The following ACAP2 variants were observed in gnomAD, a reference collection of about 807,000 sequenced individuals.
The protein encoded by ACAP2 is ArfGAP with coiled-coil, ankyrin repeat and PH domains 2.
Under a neutral mutation model 115.8 loss-of-function variants are expected in ACAP2, and 39 were observed. That is an observed-to-expected ratio of 0.34 (90% CI 0.26 to 0.44). The LOEUF (loss-of-function observed/expected upper bound fraction) is 0.44, where lower values mean the gene tolerates loss of function less well. Ranked by LOEUF, ACAP2 falls within the 20% of genes least tolerant of loss-of-function variation. The pLI is 1.00. For missense variants in ACAP2, 662 were observed against 927.6 expected, an observed-to-expected ratio of 0.71 and a Z score of 3.72; for synonymous variants, 289 against 315.8, an observed-to-expected ratio of 0.92 and a Z score of 0.90.
chr3:195,359,608 C>T (rs10439948), intron 4 of ACAP2, among the ~76,000 whole-genome samples: 42,514 of 151,982 alleles, frequency 0.28, 6,755 homozygotes, highest in East Asian at 0.71. Context: ...GCTGGGACTA[C>T]AGGCGCCCGC....
chr3:195,403,860 T>C (rs960842409), intron 1 of ACAP2, among the ~76,000 whole-genome samples: 1 of 151,976 alleles, frequency 6.6e-6, no homozygotes, highest in African/African-American at 2.4e-5. Context: ...AGGAGAGAAG[T>C]CTGAGTTGGA....
chr3:195,390,749 A>C (rs779532981), intron 2 of ACAP2, among the ~76,000 whole-genome samples: 2 of 152,216 alleles, frequency 1.3e-5, no homozygotes, highest in African/African-American at 4.8e-5. Context: ...ACTACGTTAC[A>C]CAGCAATGCC....
chr3:195,345,450 A>G, intron 4 of ACAP2, 133 bp from the exon 5 acceptor site: 2 of 588,562 alleles, frequency 3.4e-6, no homozygotes, highest in Non-Finnish European at 6.0e-6. Flanking sequence ...GAAGACTACA[A>G]AAGAAATAAC....
At chr3:195,348,280 G>A (rs991503859) in intron 4 of ACAP2, among the ~76,000 whole-genome samples, 3 of 150,872 alleles carry the variant, frequency 2.0e-5, no homozygotes, top group Non-Finnish European at 4.4e-5. Flanking sequence ...GAAAGAAATG[G>A]CACACATACC....
In ACAP2 at chr3:195,277,855, G is replaced by C. The variant is rs1726236196; in HGVS notation, c.*1473C>G. 1 of 152,182 alleles carries C rather than the reference G, an allele frequency of 6.6e-6. No individual in the cohort carries two copies. Among genetic ancestry groups the C allele is most frequent in the African/African-American group, 2.4e-5 (1 of 41,428 alleles). 9.4% of individuals were successfully genotyped at this position (152,182 alleles called of 1,614,324 possible). ...CCAGCACTCTGGGAGGCTAAAGCAG[G>C]CTGATCACCTGAGGTCAGGAGTTCG... On this transcript the variant is annotated 3_prime_UTR_variant, in exon 23 of 23. Coordinates refer to ENST00000326793, the MANE Select transcript of ACAP2 (RefSeq NM_012287.6).
Position 195,342,641 on chromosome 3 carries a change from A to G in ACAP2, c.358T>C (p.Phe120Leu). The G allele has an allele frequency of 6.3e-7, 1 of 1,588,546 alleles. No individual in the cohort carries two copies. Among genetic ancestry groups the G allele is most frequent in the East Asian group, 2.2e-5 (1 of 44,542 alleles). ...QNFVKEDLRK[F>L]KDAKKQFEKV... ...TCGAATTGCTTCTTGGCATCTTTGA[A>G]TTTTCTAAGATCTCTAAGAAAAGAA... The change falls in exon 6 of 23, where the codon TTC (phenylalanine) becomes CTC (leucine). Residue 120 changes from phenylalanine (F) to leucine (L), a missense_variant. Around this residue, in one of 3 missense-constraint regions of ACAP2, gnomAD observed 401 missense variants for 604.4 expected, o/e 0.66. Coordinates refer to ENST00000326793, the MANE Select transcript of ACAP2 (RefSeq NM_012287.6).
At chr3:195,393,716 G>GTTCTCGTA (rs2108775801) in intron 1 of ACAP2, among the ~76,000 whole-genome samples, 1 of 152,296 alleles carries the variant, frequency 6.6e-6, no homozygotes, top group South Asian at 2.1e-4. Flanking sequence ...ACAAATGTAT[G>GTTCTCGTA]TGTATGAGGA....
intron 1 of ACAP2, among the ~76,000 whole-genome samples, chr3:195,414,578 A>G (rs1713559496): frequency 6.6e-6 from 1 of 152,222 alleles, no homozygotes; most frequent in Non-Finnish European, 1.5e-5. Flanking sequence ...CATCCAGACA[A>G]CAGAGTATCA....
intron 10 of ACAP2, among the ~76,000 whole-genome samples, chr3:195,313,691 T>G (rs1728904075): frequency 6.6e-6 from 1 of 152,224 alleles, no homozygotes; most frequent in Non-Finnish European, 1.5e-5. Context: ...TTCTATGCTC[T>G]TAGCTGTATT....
intron 4 of ACAP2, among the ~76,000 whole-genome samples, chr3:195,350,288 GAGTT>G (rs1474860848): frequency 6.6e-6 from 1 of 152,114 alleles, no homozygotes; most frequent in Non-Finnish European, 1.5e-5. Flanking sequence ...AAGAGGAAAA[GAGTT>G]AGAATACTCA....
chr3:195,295,335 G>A, intron 17 of ACAP2: 2 of 1,234,508 alleles, frequency 1.6e-6, no homozygotes, highest in Middle Eastern at 2.2e-4. Context: ...CACAAAGCAG[G>A]CCATAAGAAG....
intron 21 of ACAP2, among the ~76,000 whole-genome samples, chr3:195,287,109 G>A (rs1056197354): frequency 6.6e-6 from 1 of 152,214 alleles, no homozygotes; most frequent in Non-Finnish European, 1.5e-5. Context: ...GAGTGTGGAT[G>A]GACCTATTTC....
intron 4 of ACAP2, among the ~76,000 whole-genome samples, chr3:195,362,529 CCA>C (rs559712952): frequency 6.6e-6 from 1 of 151,488 alleles, no homozygotes. Context: ...TAAAAAATAA[CCA>C]CACACACACA....
chr3:195,281,031 A>G (rs913564019), intron 22 of ACAP2, among the ~76,000 whole-genome samples: 1 of 152,246 alleles, frequency 6.6e-6, no homozygotes, highest in African/African-American at 2.4e-5. Flanking sequence ...AAGCTAGAGA[A>G]TTAGAAAAAA....
At chr3:195,398,687 TCTGCC>T (rs1339407661) in intron 1 of ACAP2, among the ~76,000 whole-genome samples, 1 of 143,510 alleles carries the variant, frequency 7.0e-6, no homozygotes, top group Non-Finnish European at 1.5e-5. Flanking sequence ...ATAAAATGTC[TCTGCC>T]TTCATTGTTT....
rs1186321880 is a variant in ACAP2, at chr3:195,278,455, T to G, written c.*873A>C. 1 of 152,186 alleles carries G rather than the reference T, an allele frequency of 6.6e-6. No individual in the cohort carries two copies. Among genetic ancestry groups the G allele is most frequent in the African/African-American group, 2.4e-5 (1 of 41,436 alleles). 9.4% of individuals were successfully genotyped at this position (152,186 alleles called of 1,614,324 possible). On this transcript the variant is annotated 3_prime_UTR_variant, in exon 23 of 23. Transcript: ENST00000326793. Reference sequence around the variant, plus strand: ...CAAATATAAAAATGGCCTACATGATTTTATAAATTGATTTTTCCTTTAAAG... The same window carrying G: ...CAAATATAAAAATGGCCTACATGATGTTATAAATTGATTTTTCCTTTAAAG...
intron 4 of ACAP2, among the ~76,000 whole-genome samples, chr3:195,369,814 G>C (rs1346221397): frequency 6.6e-6 from 1 of 152,056 alleles, no homozygotes; most frequent in South Asian, 2.1e-4. Context: ...TCTGCTTTTC[G>C]GTCTTTGAGA....
intron 6 of ACAP2, among the ~76,000 whole-genome samples, chr3:195,339,952 C>T (rs893500662): frequency 6.6e-6 from 1 of 151,196 alleles, no homozygotes; most frequent in African/African-American, 2.4e-5. Flanking sequence ...ACAATAAATG[C>T]GTAAGTAGTC....
chr3:195,322,469 A>G (rs939592094), intron 9 of ACAP2, among the ~76,000 whole-genome samples: 1 of 152,192 alleles, frequency 6.6e-6, no homozygotes, highest in Admixed American at 6.5e-5. Context: ...AGAATTTCAA[A>G]AGAGAAAAAA....
Sources: gnomAD v4.1 joint callset for allele counts (sites outside exome capture counted in the v4.1 genomes callset) on GRCh38, gnomAD v4.1.1 for gene constraint, gnomAD v4.1.1 regional missense constraint, MANE v1.5 for transcripts, NCBI Gene and HGNC (gene_info 2026-07-23, HGNC 2026-07-21) for gene names.